GNA14: variants seen among roughly 807,000 people sequenced by gnomAD.
GNA14 encodes guanine nucleotide-binding protein subunit alpha-14.
Under a neutral mutation model 42.0 loss-of-function variants are expected in GNA14, and 50 were observed. The observed-to-expected ratio is 1.19, with a 90% CI of 0.95 to 1.51. The LOEUF is 1.51. Ranked by LOEUF, GNA14 falls within the 40% of genes most tolerant of loss-of-function variation. The pLI is 0.00. For synonymous variants in GNA14, 173 were observed against 163.1 expected, an observed-to-expected ratio of 1.06 and a Z score of -0.46; for missense variants, 473 against 446.2, an observed-to-expected ratio of 1.06 and a Z score of -0.54.
chr9:77,618,636 T>A (rs1428515076), intron 1 of GNA14, among the ~76,000 whole-genome samples: 4 of 51,804 alleles, frequency 7.7e-5, no homozygotes, highest in African/African-American at 9.0e-5. Context: ...TTTTTTTTTT[T>A]TTTTTTTTTT....
chr9:77,619,434 CAAGTGATCCACCCTGCTCAGCCTCCCA>C (rs1195294920), intron 1 of GNA14, among the ~76,000 whole-genome samples: 1 of 152,122 alleles, frequency 6.6e-6, no homozygotes, highest in Non-Finnish European at 1.5e-5. Flanking sequence ...CTCCTGATCT[CAAGTGATCCACCCTGCTCAGCCTCCCA>C]AAGTGCTGGG....
chr9:77,491,536 A>C (rs1836775353), intron 2 of GNA14, among the ~76,000 whole-genome samples: 1 of 152,264 alleles, frequency 6.6e-6, no homozygotes, highest in Non-Finnish European at 1.5e-5. Context: ...AAAATAGACT[A>C]CAAATCAAAG....
chr9:77,548,610 T>G (rs1437830357), intron 1 of GNA14, among the ~76,000 whole-genome samples: 3 of 152,158 alleles, frequency 2.0e-5, no homozygotes, highest in African/African-American at 4.8e-5. Flanking sequence ...TATAGCAAAT[T>G]TTTTTAGCCT....
At chr9:77,633,719 A>T (rs908375902) in intron 1 of GNA14, among the ~76,000 whole-genome samples, 7 of 152,128 alleles carry the variant, frequency 4.6e-5, no homozygotes, top group Admixed American at 1.3e-4. Context: ...TGGCTCTAGG[A>T]GGCAAAAGCA....
intron 1 of GNA14, among the ~76,000 whole-genome samples, chr9:77,603,981 A>C (rs1212630043): frequency 4.7e-5 from 6 of 127,290 alleles, no homozygotes; most frequent in Non-Finnish European, 6.7e-5. Flanking sequence ...AAAAAAAAAA[A>C]CACCTCTGAG....
intron 1 of GNA14, among the ~76,000 whole-genome samples, chr9:77,555,382 C>T (rs1315547047): frequency 6.6e-6 from 1 of 152,068 alleles, no homozygotes; most frequent in African/African-American, 2.4e-5. Flanking sequence ...TGGCATGGGC[C>T]ATTCCCAGCT....
chr9:77,494,765 G>A (rs1168394270), intron 2 of GNA14, among the ~76,000 whole-genome samples: 1 of 137,418 alleles, frequency 7.3e-6, no homozygotes, highest in Non-Finnish European at 1.5e-5. Flanking sequence ...GCAAAGAGTT[G>A]TGGGGTTTTT....
intron 2 of GNA14, among the ~76,000 whole-genome samples, chr9:77,462,455 T>C (rs1030884253): frequency 6.6e-6 from 1 of 152,168 alleles, no homozygotes; most frequent in African/African-American, 2.4e-5. Context: ...GCGCAGTGGC[T>C]CATGCCTGTA....
At chr9:77,499,072 GCTA>G (rs1471092475) in intron 2 of GNA14, among the ~76,000 whole-genome samples, 1 of 152,182 alleles carries the variant, frequency 6.6e-6, no homozygotes, top group Non-Finnish European at 1.5e-5. Context: ...TGGGAAAAAT[GCTA>G]CTATGTGGAG....
At chr9:77,432,929 C>CTT (rs1835581168) in intron 3 of GNA14, among the ~76,000 whole-genome samples, 1 of 152,226 alleles carries the variant, frequency 6.6e-6, no homozygotes, top group African/African-American at 2.4e-5. Context: ...CTCCATGGCA[C>CTT]TCTTTCTTTC....
intron 2 of GNA14, among the ~76,000 whole-genome samples, chr9:77,478,843 T>C (rs1315687155): frequency 6.6e-6 from 1 of 152,224 alleles, no homozygotes; most frequent in Non-Finnish European, 1.5e-5. Flanking sequence ...GAAGTGTCTG[T>C]TCATATCCTT....
At position 77,451,662 on chromosome 9, in the gene GNA14, G is replaced by A. The variant is rs143797207; in HGVS notation, c.310-17140C>T. On this transcript the variant is annotated intron_variant, in intron 2 of 6. Coordinates refer to ENST00000341700, the MANE Select transcript of GNA14 (RefSeq NM_004297.4). ...CTTTTTTCTCCCTTGTCACACACAT[G>A]TTCATTAGTCACCCTGGGACTCTGG... 8.5e-5 allele frequency among the ~76,000 whole-genome samples: 13 copies of A among 152,260 alleles called. No homozygotes were observed. In the East Asian group the frequency reaches 2.5e-3, roughly 29 times the overall value.
chr9:77,641,443 G>A (rs1168935500), intron 1 of GNA14, among the ~76,000 whole-genome samples: 1 of 151,482 alleles, frequency 6.6e-6, no homozygotes, highest in Non-Finnish European at 1.5e-5. Flanking sequence ...AGATGGACAT[G>A]GTGTGCCTCC....
At chr9:77,548,138 AAC>A (rs1406981065) in intron 1 of GNA14, among the ~76,000 whole-genome samples, 1 of 152,180 alleles carries the variant, frequency 6.6e-6, no homozygotes, top group Non-Finnish European at 1.5e-5. Context: ...AAACCCAGGA[AAC>A]ACATCCTCTC....
intron 1 of GNA14, among the ~76,000 whole-genome samples, chr9:77,608,817 C>G (rs1587846747): frequency 6.7e-6 from 1 of 148,970 alleles, no homozygotes; most frequent in African/African-American, 2.5e-5. Flanking sequence ...GGCCCAACAT[C>G]CTTCTTTCAG....
At chr9:77,495,393 G>C (rs139272001) in intron 2 of GNA14, among the ~76,000 whole-genome samples, 79 of 152,196 alleles carry the variant, frequency 5.2e-4, no homozygotes, top group African/African-American at 1.7e-3. Context: ...CTTAGCCATG[G>C]TAAGTTGGAG....
rs1824380421 is a variant in GNA14, at chr9:77,647,678, A to G, written c.116T>C (p.Leu39Pro). The G allele has an allele frequency of 6.2e-6, 10 of 1,610,158 alleles. No homozygotes were observed. In the East Asian group the frequency reaches 2.0e-4, roughly 32 times the overall value. Reference sequence around the variant, plus strand: ...GAGACGCAGCCACTCACCCAGCAGCAGCAGCTTAAGCTCACGGCGCGCGTC... The same window carrying G: ...GAGACGCAGCCACTCACCCAGCAGCGGCAGCTTAAGCTCACGGCGCGCGTC... Reference protein sequence around the residue: ...KKDARRELKLLLLGTGESGKS... With the variant: ...KKDARRELKLPLLGTGESGKS... The change falls in exon 1 of 7, where the codon CTG (leucine) becomes CCG (proline). Residue 39 changes from leucine (L) to proline (P), a missense_variant. Leu to Pro is a moderately conservative substitution (Grantham distance 98, BLOSUM62 -3). Transcript: ENST00000341700.
intron 1 of GNA14, among the ~76,000 whole-genome samples, chr9:77,606,702 A>C (rs10125016): frequency 0.018 from 2,812 of 152,222 alleles, 75 homozygotes; most frequent in African/African-American, 0.064. Context: ...GATTGTTGTG[A>C]AAGGAAAAAA....
intron 2 of GNA14, among the ~76,000 whole-genome samples, chr9:77,447,297 A>T (rs1280336546): frequency 6.6e-6 from 1 of 152,088 alleles, no homozygotes; most frequent in African/African-American, 2.4e-5. Flanking sequence ...CCTTTCTGCC[A>T]CCCTACCTCA....
Sources: allele counts gnomAD v4.1 joint callset (sites outside exome capture counted in the v4.1 genomes callset), GRCh38; gene constraint gnomAD v4.1.1; transcripts MANE v1.5; gene names NCBI Gene and HGNC (gene_info 2026-07-23, HGNC 2026-07-21).